ENOSF1: variants seen among roughly 807,000 people sequenced by gnomAD.
ENOSF1 encodes mitochondrial enolase superfamily member 1.
In ENOSF1, 73 loss-of-function variants were observed where a neutral mutation model predicts 68.2. The ratio of observed to expected loss-of-function variants is 1.07; its 90% CI spans 0.89 to 1.30. The LOEUF (loss-of-function observed/expected upper bound fraction) is 1.30. Among genes scored for constraint, ENOSF1 ranks in the 50% most tolerant of loss-of-function variants. ENOSF1 has a pLI of 0.00. For synonymous variants in ENOSF1, 223 were observed against 210.4 expected (o/e 1.06, Z -0.52); for missense variants, 589 against 554.5 (o/e 1.06, Z -0.62).
chr18:668,536 A>G (rs888794576), downstream of ENOSF1, among the ~76,000 whole-genome samples: 1 of 152,164 alleles, frequency 6.6e-6, no homozygotes, highest in Non-Finnish European at 1.5e-5. Context: ...GCTAAACTCT[A>G]AAGTAATTTT....
At chr18:682,922 CA>C (rs71174270) in intron 11 of ENOSF1, 9,973 of 190,776 alleles carry the variant, frequency 0.052, 123 homozygotes, top group African/African-American at 0.083. Flanking sequence ...CACCAAAAAA[CA>C]AAAAAAAAAA....
chr18:677,730 G>GGGGAAATGAAAGT lies in ENOSF1; in HGVS notation c.1048+12_1048+13insACTTTCATTTCCC. The stretch of plus-strand genomic sequence containing the variant: ...AATGAAGGTCTGGTCTGCAGCCGCT[G>GGGGAAATGAAAGT]CAGCACGCTTACTTTCAAACTTTTT... On this transcript the variant is annotated intron_variant, in intron 13 of 15. Transcript: ENST00000647584. 1.2e-6 allele frequency: 2 copies of GGGGAAATGAAAGT among 1,610,242 alleles called. No homozygotes were observed. The highest frequency in any genetic ancestry group is 1.7e-6 in the Non-Finnish European group (2 of 1,178,760).
chr18:708,121 A>G (rs1385775299), intron 1 of ENOSF1, among the ~76,000 whole-genome samples: 1 of 150,936 alleles, frequency 6.6e-6, no homozygotes, highest in African/African-American at 2.4e-5. Context: ...TCGGCCTCCC[A>G]AAGTGCTAGG....
chr18:683,988 C>CTT (rs2076367186), intron 10 of ENOSF1, among the ~76,000 whole-genome samples: 1 of 140,576 alleles, frequency 7.1e-6, no homozygotes, highest in Admixed American at 7.0e-5. Context: ...CCGTGGATTT[C>CTT]TTTTCTTTTT....
chr18:698,152 C>T (rs1381043741), intron 2 of ENOSF1, among the ~76,000 whole-genome samples: 1 of 152,190 alleles, frequency 6.6e-6, no homozygotes, highest in Non-Finnish European at 1.5e-5. Flanking sequence ...CGTGTTAATC[C>T]ATATACTGAG....
intron 1 of ENOSF1, among the ~76,000 whole-genome samples, chr18:711,637 T>C (rs2079557676): frequency 6.6e-6 from 1 of 152,314 alleles, no homozygotes; most frequent in Admixed American, 6.5e-5. Flanking sequence ...AACACCGCTC[T>C]AGACGGGGGC....
At position 672,880 on chromosome 18, in the gene ENOSF1, T is replaced by G; in HGVS notation, c.*1425A>C. The G allele has an allele frequency of 1.3e-6, 2 of 1,585,632 alleles. No individual in the cohort carries two copies. Among genetic ancestry groups the G allele is most frequent in the Admixed American group, 1.7e-5 (1 of 59,698 alleles). ...TTTAGCTTCAGCGAGAACCCAGACC[T>G]TTCCCAAAGCTCAGGATTCTTCGAA... is the stretch of plus-strand genomic sequence containing the variant. On this transcript the variant is annotated 3_prime_UTR_variant, in exon 16 of 16. Transcript: ENST00000647584.
At chr18:666,693 AT>A (rs2074821990), downstream of ENOSF1, among the ~76,000 whole-genome samples, 1 of 152,232 alleles carries the variant, frequency 6.6e-6, no homozygotes, top group South Asian at 2.1e-4. Context: ...TAAAATCTAT[AT>A]TTTATGTGCG....
At chr18:680,602 C>T (rs986502273) in intron 11 of ENOSF1, among the ~76,000 whole-genome samples, 7 of 152,070 alleles carry the variant, frequency 4.6e-5, no homozygotes, top group African/African-American at 1.7e-4. Context: ...CTCCCACACA[C>T]CCTCTGTCTC....
intron 4 of ENOSF1, 101 bp from the exon 5 acceptor site, chr18:694,009 C>T: frequency 7.4e-7 from 1 of 1,354,126 alleles, no homozygotes; most frequent in South Asian, 1.3e-5. Flanking sequence ...CTGTCAGCCA[C>T]CAGGTCCCCA....
At position 691,273 on chromosome 18, in the gene ENOSF1, G is replaced by A. The variant is rs772039781; in HGVS notation, c.427C>T (p.Pro143Ser). 6.8e-6 allele frequency: 11 copies of A among 1,612,916 alleles called. No individual in the cohort carries two copies. The highest frequency in any genetic ancestry group is 8.5e-6 in the Non-Finnish European group (10 of 1,179,096). The stretch of plus-strand genomic sequence containing the variant: ...TCTATGCAGGATACCAGCATCCTGG[G>A]ATCCTGGCAACGTGACAGGAGGGGA... ...PVWKLLVDMD[P>S]RMLVSCIDFR... The change falls in exon 6 of 16, where the codon CCC becomes TCC. Residue 143 changes from proline (P) to serine (S), a missense_variant. Physicochemically the swap from Pro to Ser is moderately conservative, Grantham distance 74. Coordinates refer to ENST00000647584, the MANE Select transcript of ENOSF1 (RefSeq NM_017512.7).
intron 1 of ENOSF1, among the ~76,000 whole-genome samples, chr18:710,996 C>T (rs1188335366): frequency 6.6e-6 from 1 of 152,066 alleles, no homozygotes; most frequent in Non-Finnish European, 1.5e-5. Context: ...CAGCCTGGGC[C>T]CTGTCTCTAC....
chr18:677,686 G>A (rs1197308801), intron 13 of ENOSF1, 57 bp downstream of exon 13: 2 of 1,568,286 alleles, frequency 1.3e-6, no homozygotes, highest in African/African-American at 1.4e-5. Flanking sequence ...CATCAAGGGA[G>A]GTGTCTGATT....
At chr18:681,532 A>G (rs1645043926) in intron 11 of ENOSF1, among the ~76,000 whole-genome samples, 1 of 152,198 alleles carries the variant, frequency 6.6e-6, no homozygotes, top group Non-Finnish European at 1.5e-5. Flanking sequence ...CCCAAGGTGA[A>G]AAGTCTTGTT....
At chr18:682,060 G>C (rs1236208496) in intron 11 of ENOSF1, among the ~76,000 whole-genome samples, 1 of 152,132 alleles carries the variant, frequency 6.6e-6, no homozygotes, top group Non-Finnish European at 1.5e-5. Context: ...ACACAAAATG[G>C]GGAGTGTATA....
intron 10 of ENOSF1, among the ~76,000 whole-genome samples, chr18:684,206 A>G (rs1055037127): frequency 3.3e-5 from 5 of 151,908 alleles, no homozygotes; most frequent in South Asian, 2.1e-4. Context: ...CATGTTAGCC[A>G]GGATGGTCTC....
At chr18:709,214 G>A (rs1206095735) in intron 1 of ENOSF1, among the ~76,000 whole-genome samples, 1 of 152,140 alleles carries the variant, frequency 6.6e-6, no homozygotes, top group African/African-American at 2.4e-5. Flanking sequence ...CATAAAGGGT[G>A]GCACCGAAGT....
Position 683,252 on chromosome 18 carries a change from A to AT in ENOSF1, c.869_870insA (p.Ser291PhefsTer20). On this transcript the variant is annotated frameshift_variant, in exon 11 of 16. Transcript: ENST00000647584. LOFTEE classifies it high-confidence loss of function. ...GCAGCAGCCGTTTTCCTACCTTGGAAATGGTGGCGTGCCCCAGAATGTCAT... is the reference window on the plus strand; with the variant it reads ...GCAGCAGCCGTTTTCCTACCTTGGAATATGGTGGCGTGCCCCAGAATGTCAT... 1 of 1,614,094 alleles carries AT rather than the reference A, an allele frequency of 6.2e-7. No individual in the cohort carries two copies. The highest frequency in any genetic ancestry group is 8.5e-7 in the Non-Finnish European group (1 of 1,180,020).
the ENOSF1 span, among the ~76,000 whole-genome samples, chr18:663,929 A>G: frequency 9.4e-6 from 1 of 106,004 alleles, no homozygotes; most frequent in African/African-American, 5.5e-5. Context: ...GCCTTGTAGT[A>G]TAGTTTGAAG....
Sources: gnomAD v4.1 joint callset for allele counts (sites outside exome capture counted in the v4.1 genomes callset) on GRCh38, gnomAD v4.1.1 for gene constraint, MANE v1.5 for transcripts, NCBI Gene and HGNC (gene_info 2026-07-23, HGNC 2026-07-21) for gene names.